Variants in YEATS2 observed in about 807,000 individuals in gnomAD.
The protein encoded by YEATS2 is YEATS domain containing 2, also known as YEATS domain-containing protein 2.
YEATS2 carries 77 observed loss-of-function variants against 163.2 expected under a neutral mutation model. That is an observed-to-expected ratio of 0.47 (90% CI 0.39 to 0.57). YEATS2 has a LOEUF of 0.57. YEATS2 is among the 20% of genes least tolerant of loss of function. The pLI is 0.00. For synonymous variants in YEATS2, 631 were observed against 645.1 expected (o/e 0.98, Z 0.33); for missense variants, 1,549 against 1,729.8 (o/e 0.90, Z 1.85).
chr3:183,752,143 A>C lies in YEATS2; in HGVS notation c.1040A>C (p.Asp347Ala). The C allele has an allele frequency of 6.2e-7, 1 of 1,614,116 alleles. No homozygotes were observed. The highest frequency in any genetic ancestry group is 8.5e-7 in the Non-Finnish European group (1 of 1,180,018). The part of the protein sequence containing the change: ...DCIYPQSSES[D>A]ISDAPPSLPL... ...ATCTATCCTCAGTCCTCGGAGTCTG[A>C]CATCTCTGATGCCCCTCCATCTTTG... The change falls in exon 10 of 31, where the codon GAC becomes GCC. Residue 347 changes from aspartate (D) to alanine (A), a missense_variant. By Grantham distance (126) the Asp-to-Ala change is moderately radical. Transcript: ENST00000305135.
chr3:183,802,665 C>T (rs969893256), intron 25 of YEATS2: 1 of 152,216 alleles, frequency 6.6e-6, no homozygotes, highest in Non-Finnish European at 1.5e-5. Context: ...CTTGGTGGCT[C>T]ACGCCTGTAA....
chr3:183,808,239 CTTTTTGTT>C (rs772628094), intron 29 of YEATS2, 135 bp downstream of exon 29: 172 of 698,906 alleles, frequency 2.5e-4, no homozygotes, highest in Admixed American at 1.1e-3. Context: ...TAAGTTCTCT[CTTTTTGTT>C]TTTTTGTTTT....
intron 1 of YEATS2, among the ~76,000 whole-genome samples, chr3:183,714,497 G>T (rs1715622894): frequency 6.6e-6 from 1 of 151,774 alleles, no homozygotes; most frequent in African/African-American, 2.4e-5. Context: ...TGCCCGGCCG[G>T]GATTTTTTTT....
At position 183,737,275 on chromosome 3, in the gene YEATS2, A is replaced by G. The variant is rs1327853859; in HGVS notation, c.924+446A>G. Among the ~76,000 whole-genome samples, 4 of 152,198 alleles carry G rather than the reference A, an allele frequency of 2.6e-5. No homozygotes were observed. The South Asian group carries it at 6.2e-4, about 24-fold the overall frequency. ...AATCCGTGTATAAGCAGATCTGTGC[A>G]GTTCAAACCCATGTTCAAAGGTCAG... On this transcript the variant is annotated intron_variant, in intron 8 of 30. Transcript: ENST00000305135.
Position 183,697,833 on chromosome 3 carries a change from C to G in YEATS2, c.-180C>G, listed in dbSNP as rs955608524. ...CTGCTGACGTGCGGGGCGGAACGCGCCGGGCGGGCTCCACCGCGCCGTGTG... is the reference window on the plus strand; with the variant it reads ...CTGCTGACGTGCGGGGCGGAACGCGGCGGGCGGGCTCCACCGCGCCGTGTG... On this transcript the variant is annotated 5_prime_UTR_variant, in exon 1 of 31. Transcript: ENST00000305135. 3.3e-5 allele frequency: 5 copies of G among 150,212 alleles called. No homozygotes were observed. The highest frequency in any genetic ancestry group is 4.9e-5 in the African/African-American group (2 of 41,114). 9.3% of individuals were successfully genotyped at this position (150,212 alleles called of 1,614,324 possible).
At chr3:183,756,494 A>G in intron 11 of YEATS2, 34 bp from the exon 12 acceptor site, 2 of 1,511,942 alleles carry the variant, frequency 1.3e-6, no homozygotes, top group Non-Finnish European at 1.8e-6. Flanking sequence ...GAATATGTGT[A>G]TTTTGTTTGT....
intron 7 of YEATS2, among the ~76,000 whole-genome samples, chr3:183,730,748 A>G (rs531339287): frequency 2.0e-5 from 3 of 152,168 alleles, no homozygotes; most frequent in South Asian, 2.1e-4. Context: ...TCTCTCTACC[A>G]TAACTCTTGC....
chr3:183,795,927 C>G (rs1342847033), intron 21 of YEATS2, among the ~76,000 whole-genome samples: 1 of 150,752 alleles, frequency 6.6e-6, no homozygotes, highest in African/African-American at 2.4e-5. Flanking sequence ...CTTTCCTTAG[C>G]TCAGACCAGC....
In YEATS2 at chr3:183,761,564, A is replaced by G; in HGVS notation, c.1714A>G (p.Lys572Glu). ...TCTTTGCCCAATTGGGAGTCACCCT[A>G]AGGTTCAAAGCCCCAAACCTATAAC... ...PPLCPIGSHPKVQSPKPITGG... is the reference protein window; with the variant it reads ...PPLCPIGSHPEVQSPKPITGG... Residue 572 changes from lysine (K) to glutamate (E), a missense_variant, in exon 14 of 31, where the codon AAG (lysine) becomes GAG (glutamate). Coordinates refer to ENST00000305135, the MANE Select transcript of YEATS2 (RefSeq NM_018023.5). 1 of 1,614,132 alleles carries G rather than the reference A, an allele frequency of 6.2e-7. No individual in the cohort carries two copies. The highest frequency in any genetic ancestry group is 1.1e-5 in the South Asian group (1 of 91,086).
chr3:183,699,336 TGTTA>T (rs928993968), intron 1 of YEATS2, among the ~76,000 whole-genome samples: 6 of 151,718 alleles, frequency 4.0e-5, no homozygotes, highest in Admixed American at 1.3e-4. Context: ...TTTAGATGCA[TGTTA>T]GTTATGAAGT....
At position 183,806,854 on chromosome 3, in the gene YEATS2, CCTGT is replaced by C. The variant is rs1726260706; in HGVS notation, c.3785-10_3785-7del. 6.2e-7 allele frequency: 1 copy of C among 1,613,654 alleles called. No individual in the cohort carries two copies. The highest frequency in any genetic ancestry group is 1.3e-5 in the African/African-American group (1 of 74,898). On this transcript the variant is annotated splice_region_variant and splice_polypyrimidine_tract_variant and intron_variant, in intron 27 of 30. Coordinates refer to ENST00000305135, the MANE Select transcript of YEATS2 (RefSeq NM_018023.5). ...CCCACAGCTGTTGTAACACTGCTTGCCTGTCATTTAGAGTGCCCATCATCATTCT... is the reference window on the plus strand; with the variant it reads ...CCCACAGCTGTTGTAACACTGCTTGCCATTTAGAGTGCCCATCATCATTCT...
rs1725662048 is a variant in YEATS2 at position 183,801,493 on chromosome 3, C to T, written c.3467C>T (p.Ala1156Val). ...GAAACTATCCAGCAACTCCTAACTG[C>T]AGTAGTAAAGAAGATTCCATTAATC... is the stretch of plus-strand genomic sequence containing the variant. ...HLETIQQLLT[A>V]VVKKIPLITA... is the part of the protein sequence containing the mutation. The change falls in exon 25 of 31, where the codon GCA (alanine) becomes GTA (valine). Residue 1156 changes from alanine (A) to valine (V), a missense_variant. Ala to Val is a moderately conservative substitution (Grantham distance 64, BLOSUM62 0). Coordinates refer to ENST00000305135, the MANE Select transcript of YEATS2 (RefSeq NM_018023.5). 1 of 1,611,052 alleles carries T rather than the reference C, an allele frequency of 6.2e-7. No individual in the cohort carries two copies. Among genetic ancestry groups the T allele is most frequent in the East Asian group, 2.2e-5 (1 of 44,768 alleles).
intron 14 of YEATS2, 46 bp from the exon 15 acceptor site, chr3:183,762,050 TG>T: frequency 6.2e-7 from 1 of 1,611,266 alleles, no homozygotes; most frequent in Non-Finnish European, 8.5e-7. Context: ...CTTTATAAAA[TG>T]GGATGTTTAT....
At chr3:183,766,935 A>T (rs1025480144) in intron 15 of YEATS2, among the ~76,000 whole-genome samples, 2 of 151,632 alleles carry the variant, frequency 1.3e-5, no homozygotes, top group East Asian at 3.9e-4. Flanking sequence ...TCAGCCTCCC[A>T]AAGTGTTGGG....
chr3:183,721,246 G>A (rs1157067436), intron 4 of YEATS2, among the ~76,000 whole-genome samples: 1 of 152,144 alleles, frequency 6.6e-6, no homozygotes, highest in Non-Finnish European at 1.5e-5. Flanking sequence ...TGCTTTGAAA[G>A]ACTAGCTTCT....
At chr3:183,738,884 G>A (rs1718651017) in intron 8 of YEATS2, among the ~76,000 whole-genome samples, 1 of 144,100 alleles carries the variant, frequency 6.9e-6, no homozygotes, top group Non-Finnish European at 1.5e-5. Flanking sequence ...TGTCTTTATA[G>A]GAGCATGATT....
In YEATS2 at chr3:183,724,483, C is replaced by G; in HGVS notation, c.602C>G (p.Thr201Ser). The G allele has an allele frequency of 1.2e-6, 2 of 1,613,874 alleles. No homozygotes were observed. The highest frequency in any genetic ancestry group is 1.7e-6 in the Non-Finnish European group (2 of 1,179,898). ...CGGAATGCTGATCTCACAGATGAGA[C>G]TTCACGACTTTTTGTAAAGAAAACA... is the stretch of plus-strand genomic sequence containing the variant. The part of the protein sequence containing the change: ...EQRNADLTDE[T>S]SRLFVKKTIV... The change falls in exon 6 of 31, where the codon ACT becomes AGT. Residue 201 changes from threonine to serine, a missense_variant. Coordinates refer to ENST00000305135, the MANE Select transcript of YEATS2 (RefSeq NM_018023.5).
At position 183,803,750 on chromosome 3, in the gene YEATS2, G is replaced by C. The variant is rs145574970; in HGVS notation, c.3583-237G>C. Reference sequence around the variant, plus strand: ...GGTAGGAGGGGAGTGGGAGAGCGCAGGTGGAGACCAGGTGAAGATCCTTAA... The same window carrying C: ...GGTAGGAGGGGAGTGGGAGAGCGCACGTGGAGACCAGGTGAAGATCCTTAA... On this transcript the variant is annotated intron_variant, in intron 26 of 30. Transcript: ENST00000305135. The C allele has an allele frequency of 1.3e-3, 715 of 546,062 alleles. 10 individuals are homozygous for C. In the East Asian group the frequency reaches 0.021, roughly 16 times the overall value. The allele number at this position is 546,062 out of a possible 1,614,324, so 33.8% of individuals were successfully genotyped here.
chr3:183,775,725 T>C (rs1005551936), intron 17 of YEATS2, among the ~76,000 whole-genome samples, 190 bp from the exon 18 acceptor site: 1 of 152,236 alleles, frequency 6.6e-6, no homozygotes, highest in Non-Finnish European at 1.5e-5. Flanking sequence ...AAATAGATTT[T>C]GATCTAAAAT....
Sources: gnomAD v4.1 joint callset for allele counts (sites outside exome capture counted in the v4.1 genomes callset) on GRCh38, gnomAD v4.1.1 for gene constraint, MANE v1.5 for transcripts, NCBI Gene and HGNC (gene_info 2026-07-23, HGNC 2026-07-21) for gene names.